DDX60: variants seen among roughly 807,000 people sequenced by gnomAD.
DDX60 encodes the protein probable ATP-dependent RNA helicase DDX60.
Under a neutral mutation model 212.8 loss-of-function variants are expected in DDX60, and 165 were observed. That is an observed-to-expected ratio of 0.78 (90% CI 0.68 to 0.88). The LOEUF is 0.88. Ranked by LOEUF, DDX60 falls within the 40% of genes least tolerant of loss-of-function variation. The pLI is 0.00. For missense variants in DDX60, 1,905 were observed against 2,003.9 expected (o/e 0.95, Z 0.94); for synonymous variants, 703 against 685.3 (o/e 1.03, Z -0.40).
rs369763405 is a variant in DDX60, at chr4:168,268,981, A to C, written c.2671-12T>G. 1.9e-4 allele frequency: 268 copies of C among 1,376,446 alleles called. 1 individual carries two copies. Among genetic ancestry groups the C allele is most frequent in the Non-Finnish European group, 2.4e-4 (242 of 1,013,712 alleles). 85.3% of individuals were successfully genotyped at this position (1,376,446 alleles called of 1,614,324 possible). On this transcript the variant is annotated splice_polypyrimidine_tract_variant and intron_variant, in intron 19 of 37. Coordinates refer to ENST00000393743, the MANE Select transcript of DDX60 (RefSeq NM_017631.6). ...CCAAGACAATGAACCTATTAAACAA[A>C]AAAAAAAAAATCTCAACTGAAAAGT...
intron 29 of DDX60, among the ~76,000 whole-genome samples, chr4:168,247,710 G>A (rs1734069962): frequency 6.6e-6 from 1 of 152,106 alleles, no homozygotes; most frequent in Admixed American, 6.6e-5. Context: ...GAAATTGCAA[G>A]GCAAAAATCA....
At chr4:168,313,208 T>G (rs1161753617) in intron 1 of DDX60, among the ~76,000 whole-genome samples, 1 of 152,160 alleles carries the variant, frequency 6.6e-6, no homozygotes, top group African/African-American at 2.4e-5. Context: ...TTCTGAGGTT[T>G]CAAGAACAGG....
chr4:168,225,135 C>T (rs1257057678), intron 34 of DDX60, among the ~76,000 whole-genome samples: 1 of 152,148 alleles, frequency 6.6e-6, no homozygotes, highest in East Asian at 1.9e-4. Flanking sequence ...TGCTCAAGAT[C>T]TCACAGCTAA....
intron 6 of DDX60, among the ~76,000 whole-genome samples, chr4:168,297,925 A>C (rs1051060663): frequency 6.6e-5 from 10 of 151,156 alleles, no homozygotes; most frequent in Admixed American, 2.6e-4. Flanking sequence ...TAATAGTAAT[A>C]ATGATAATTT....
At chr4:168,288,869 G>A (rs577142512) in intron 8 of DDX60, among the ~76,000 whole-genome samples, 2 of 152,258 alleles carry the variant, frequency 1.3e-5, no homozygotes, top group South Asian at 2.1e-4. Context: ...TTCTCAAGAG[G>A]CCTCAAGAAA....
intron 8 of DDX60, among the ~76,000 whole-genome samples, chr4:168,289,876 C>G (rs1273215190): frequency 1.3e-5 from 2 of 152,148 alleles, no homozygotes; most frequent in Non-Finnish European, 2.9e-5. Flanking sequence ...CTCACTGGTC[C>G]CTGGCACCAT....
chr4:168,224,496 T>C, intron 34 of DDX60, 111 bp from the exon 35 acceptor site: 5 of 1,015,748 alleles, frequency 4.9e-6, no homozygotes, highest in East Asian at 2.5e-5. Flanking sequence ...CTTCATGTAA[T>C]GAAGACTGAA....
chr4:168,232,315 C>T (rs551957399), intron 33 of DDX60, among the ~76,000 whole-genome samples: 1 of 151,908 alleles, frequency 6.6e-6, no homozygotes, highest in Non-Finnish European at 1.5e-5. Context: ...AAATTCAATT[C>T]CCATCAAAAT....
intron 37 of DDX60, among the ~76,000 whole-genome samples, chr4:168,217,309 C>T (rs1306123392): frequency 6.6e-6 from 1 of 152,184 alleles, no homozygotes; most frequent in Non-Finnish European, 1.5e-5. Context: ...GATCCCTTCT[C>T]CCTTCAAAAG....
intron 30 of DDX60, among the ~76,000 whole-genome samples, chr4:168,240,508 A>G (rs552797891): frequency 6.6e-6 from 1 of 152,330 alleles, no homozygotes; most frequent in South Asian, 2.1e-4. Context: ...AAGAGCCCAT[A>G]CAGCCAAGAC....
chr4:168,262,460 CAA>C (rs59392012), intron 23 of DDX60, among the ~76,000 whole-genome samples: 9 of 121,580 alleles, frequency 7.4e-5, no homozygotes, highest in South Asian at 5.3e-4. Context: ...GAAAAGATTT[CAA>C]AAAAAAAAAA....
intron 18 of DDX60, among the ~76,000 whole-genome samples, 167 bp from the exon 19 acceptor site, chr4:168,272,305 T>C (rs191342670): frequency 6.6e-6 from 1 of 152,344 alleles, no homozygotes; most frequent in African/African-American, 2.4e-5. Context: ...TGTGCTATAT[T>C]CATTGGAACC....
At chr4:168,312,550 A>G (rs982347315) in intron 1 of DDX60, among the ~76,000 whole-genome samples, 1 of 152,162 alleles carries the variant, frequency 6.6e-6, no homozygotes, top group African/African-American at 2.4e-5. Flanking sequence ...AATAGAGAAG[A>G]AAATACTAAA....
At position 168,283,576 on chromosome 4, in the gene DDX60, G is replaced by A. The variant is rs778216652; in HGVS notation, c.1592C>T (p.Ser531Phe). 2 of 1,610,470 alleles carry A rather than the reference G, an allele frequency of 1.2e-6. No individual in the cohort carries two copies. The highest frequency in any genetic ancestry group is 1.7e-6 in the Non-Finnish European group (2 of 1,178,650). ...TTGGAAAACATGATACTTTTGCACA[G>A]ATCTAAGAACACGAGGGTCTCTAGA... The part of the protein sequence containing the change: ...EKSRDPRVLR[S>F]VQKYHVFQRF... Residue 531 changes from serine to phenylalanine, a missense_variant, in exon 13 of 38, where the codon TCT becomes TTT. Coordinates refer to ENST00000393743, the MANE Select transcript of DDX60 (RefSeq NM_017631.6).
chr4:168,262,776 A>G lies in DDX60; in HGVS notation c.3051T>C (p.Tyr1017=), dbSNP rs1391470986. The change falls in exon 23 of 38, where the codon TAT becomes TAC. Residue 1017 remains tyrosine, a synonymous_variant. Transcript: ENST00000393743. ...AALTTDHIER[Y]GFPPDLTLSP... is the part of the protein sequence containing the mutation. ...AAAGGGTAAGATCAGGAGGGAATCCATACCTTTCAATCTGTTTAAAATAAA... is the reference window on the plus strand; with the variant it reads ...AAAGGGTAAGATCAGGAGGGAATCCGTACCTTTCAATCTGTTTAAAATAAA... The G allele has an allele frequency of 4.4e-6, 7 of 1,602,428 alleles. No homozygotes were observed. The highest frequency in any genetic ancestry group is 6.0e-6 in the Non-Finnish European group (7 of 1,173,134).
intron 25 of DDX60, among the ~76,000 whole-genome samples, chr4:168,259,276 G>C (rs144606940): frequency 6.6e-6 from 1 of 152,218 alleles, no homozygotes; most frequent in East Asian, 1.9e-4. Context: ...TTCAGTTTCT[G>C]TTTTGCAGTG....
chr4:168,300,435 G>T (rs1378880836), intron 6 of DDX60, among the ~76,000 whole-genome samples: 1 of 152,050 alleles, frequency 6.6e-6, no homozygotes, highest in Non-Finnish European at 1.5e-5. Context: ...AGTTACTTGG[G>T]AGGCTGAGGC....
chr4:168,220,627 A>G lies in DDX60; in HGVS notation c.5039+28T>C, dbSNP rs1345559247. On this transcript the variant is annotated intron_variant, in intron 37 of 37. Coordinates refer to ENST00000393743, the MANE Select transcript of DDX60 (RefSeq NM_017631.6). ...TTATAAATAAATTATTAAAAAATCT[A>G]AAATCAATATTTAAATATATAACAC... 8 of 1,212,014 alleles carry G rather than the reference A, an allele frequency of 6.6e-6. No homozygotes were observed. In the Middle Eastern group the frequency reaches 1.1e-3, roughly 161 times the overall value. 75.1% of individuals were successfully genotyped at this position (1,212,014 alleles called of 1,614,324 possible). A position where few individuals can be genotyped will look rare whatever the true frequency, so the allele number is the denominator to read the frequency against.
chr4:168,246,510 G>T lies in DDX60; in HGVS notation c.4072C>A (p.Leu1358Met), dbSNP rs1734028929. ...GKLIKSNVPE[L>M]RGHFPLSITL... ...ATGCTGAGAGGGAAGTGTCCTCTCA[G>T]CTCAGGAACATTGGATTTTATGAGT... is the stretch of plus-strand genomic sequence containing the variant. The change falls in exon 30 of 38, where the codon CTG becomes ATG. Residue 1358 changes from leucine (L) to methionine (M), a missense_variant. By Grantham distance (15) the Leu-to-Met change is conservative (BLOSUM62 2). Coordinates refer to ENST00000393743, the MANE Select transcript of DDX60 (RefSeq NM_017631.6). 6.2e-7 allele frequency: 1 copy of T among 1,614,060 alleles called. No homozygotes were observed. The highest frequency in any genetic ancestry group is 2.2e-5 in the East Asian group (1 of 44,858).
Sources: allele counts gnomAD v4.1 joint callset (sites outside exome capture counted in the v4.1 genomes callset), GRCh38; gene constraint gnomAD v4.1.1; transcripts MANE v1.5; gene names NCBI Gene and HGNC (gene_info 2026-07-23, HGNC 2026-07-21).